ZNF16: variants seen among roughly 807,000 people sequenced by gnomAD.
ZNF16 encodes the protein zinc finger protein 16.
Under a neutral mutation model 9.0 loss-of-function variants are expected in ZNF16, and 7 were observed. The observed-to-expected ratio is 0.78, with a 90% CI of 0.44 to 1.47. The LOEUF (loss-of-function observed/expected upper bound fraction) is 1.47. Among genes scored for constraint, ZNF16 ranks in the 40% most tolerant of loss-of-function variants. ZNF16 has a pLI of 0.01. For missense variants in ZNF16, 830 were observed against 854.2 expected (o/e 0.97, Z 0.35); for synonymous variants, 312 against 301.5 (o/e 1.03, Z -0.36).
At chr8:144,939,678 T>C (rs751321722) in intron 2 of ZNF16, among the ~76,000 whole-genome samples, 4 of 151,594 alleles carry the variant, frequency 2.6e-5, no homozygotes, top group Non-Finnish European at 4.4e-5. Context: ...ACTCAATCTC[T>C]GTTAGAGGTC....
chr8:144,942,463 T>C (rs1833827618), intron 2 of ZNF16, among the ~76,000 whole-genome samples: 1 of 151,752 alleles, frequency 6.6e-6, no homozygotes. Context: ...AATTTTTGTA[T>C]TTTTAGTAGA....
chr8:144,937,963 C>T (rs1262463451), intron 2 of ZNF16, among the ~76,000 whole-genome samples: 6 of 152,296 alleles, frequency 3.9e-5, no homozygotes, highest in South Asian at 2.1e-4. Context: ...CCACCACATC[C>T]GGCCCCAACT....
chr8:144,946,670 GTACCCTACTGTGGGCCA>G (rs1220149378), intron 1 of ZNF16, among the ~76,000 whole-genome samples: 5 of 113,062 alleles, frequency 4.4e-5, no homozygotes, highest in African/African-American at 1.1e-4. Flanking sequence ...CTGTGGGCCT[GTACCCTACTGTGGGCCA>G]TACCCTGCTG....
At chr8:144,935,313 C>T (rs1025692625) in intron 2 of ZNF16, among the ~76,000 whole-genome samples, 2 of 152,114 alleles carry the variant, frequency 1.3e-5, no homozygotes, top group Non-Finnish European at 2.9e-5. Flanking sequence ...AGTGATTCTC[C>T]TACCTCAGCC....
In ZNF16 at chr8:144,931,177, C is replaced by T. The variant is rs751615367; in HGVS notation, c.1610G>A (p.Arg537Gln). 16 of 1,613,840 alleles carry T rather than the reference C, an allele frequency of 9.9e-6. No individual in the cohort carries two copies. The highest frequency in any genetic ancestry group is 4.5e-5 in the East Asian group (2 of 44,878). Residue 537 changes from arginine (R) to glutamine (Q), a missense_variant, in exon 3 of 3, where the codon CGA becomes CAA. Coordinates refer to ENST00000394909, the MANE Select transcript of ZNF16 (RefSeq NM_006958.3). ...ATAGGGCTTCTCTCCAGTGTGGACT[C>T]GCTGGTGAAGGATGAGGTTGGAGCT... ...GRSSNLILHQRVHTGEKPYEC... is the reference protein window; with the variant it reads ...GRSSNLILHQQVHTGEKPYEC...
At chr8:144,941,512 C>T (rs1009561205) in intron 2 of ZNF16, among the ~76,000 whole-genome samples, 1 of 152,196 alleles carries the variant, frequency 6.6e-6, no homozygotes, top group African/African-American at 2.4e-5. Flanking sequence ...CTGGAGACTT[C>T]ACATGTAATT....
intron 2 of ZNF16, among the ~76,000 whole-genome samples, chr8:144,937,065 T>C (rs1239909137): frequency 1.3e-5 from 2 of 151,794 alleles, no homozygotes; most frequent in Non-Finnish European, 2.9e-5. Flanking sequence ...ATATTCTACA[T>C]ACTACACCCT....
intron 2 of ZNF16, among the ~76,000 whole-genome samples, chr8:144,936,232 G>A (rs776939728): frequency 9.8e-5 from 15 of 152,302 alleles, no homozygotes; most frequent in South Asian, 2.1e-4. Flanking sequence ...AGGTTTATCC[G>A]CGTGTAGCAG....
intron 1 of ZNF16, among the ~76,000 whole-genome samples, chr8:144,947,473 C>G (rs946332714): frequency 3.9e-5 from 6 of 152,178 alleles, no homozygotes; most frequent in Non-Finnish European, 7.4e-5. Flanking sequence ...CAGGCCAGAC[C>G]CACCTAGAGT....
intron 1 of ZNF16, 129 bp from the exon 2 acceptor site, chr8:144,946,344 G>A (rs1205172955): frequency 9.2e-6 from 8 of 868,046 alleles, no homozygotes; most frequent in Non-Finnish European, 1.3e-5. Context: ...GTGCTGCCAG[G>A]TCTCAGGGGC....
At chr8:144,949,450 A>G (rs1834038847) in intron 1 of ZNF16, among the ~76,000 whole-genome samples, 1 of 152,218 alleles carries the variant, frequency 6.6e-6, no homozygotes, top group African/African-American at 2.4e-5. Context: ...TGCCCCATGT[A>G]GGGAAAAGAA....
intron 1 of ZNF16, chr8:144,947,866 T>A (rs1023555701): frequency 3.3e-5 from 5 of 152,372 alleles, no homozygotes; most frequent in Non-Finnish European, 7.3e-5. Flanking sequence ...CCTCACATGT[T>A]ACTGATTCCC....
At position 144,932,385 on chromosome 8, in the gene ZNF16, C is replaced by T. The variant is rs923581862; in HGVS notation, c.402G>A (p.Gly134=). 2 of 1,614,036 alleles carry T rather than the reference C, an allele frequency of 1.2e-6. No individual in the cohort carries two copies. The highest frequency in any genetic ancestry group is 1.7e-6 in the Non-Finnish European group (2 of 1,180,026). The change falls in exon 3 of 3, where the codon GGG becomes GGA. Residue 134 remains glycine (G), a synonymous_variant. Transcript: ENST00000394909. The surrounding 1 kb of genome is among the most constrained non-coding windows in gnomAD (Gnocchi z 5.0). The part of the protein sequence containing the change: ...RRLPQSLSQE[G]DFTPAAMGLL... ...GCCCCATGGCAGCTGGTGTGAAGTC[C>T]CCCTCCTGGGAGAGGGACTGTGGCA...
chr8:144,932,318 C>A lies in ZNF16; in HGVS notation c.469G>T (p.Gly157Cys), dbSNP rs748200614. 5.6e-6 allele frequency: 9 copies of A among 1,614,166 alleles called. No homozygotes were observed. The highest frequency in any genetic ancestry group is 7.6e-6 in the Non-Finnish European group (9 of 1,180,042). Residue 157 changes from glycine (G) to cysteine (C), a missense_variant, in exon 3 of 3, where the codon GGT (glycine) becomes TGT (cysteine). Gly to Cys is a radical substitution (Grantham distance 159). Coordinates refer to ENST00000394909, the MANE Select transcript of ZNF16 (RefSeq NM_006958.3). This position sits in a 1 kb window ranked among gnomAD's most constrained non-coding sequence, Gnocchi z 5.0. ...CTCAGACTGAAGCGACTGTCAAAAC[C>A]ATTACAGTCCAGATCTTTCTCCCCT... is the stretch of plus-strand genomic sequence containing the variant. ...PLGEKDLDCN[G>C]FDSRFSLSPN...
Position 144,941,598 on chromosome 8 carries a change from C to T in ZNF16, c.196+4413G>A, listed in dbSNP as rs953866232. The stretch of plus-strand genomic sequence containing the variant: ...ACCTTTTTGTTCCTCAGTTCCTCTA[C>T]TGCTGTATTCTTAGGTATTACCTTT... On this transcript the variant is annotated intron_variant, in intron 2 of 2. Coordinates refer to ENST00000394909, the MANE Select transcript of ZNF16 (RefSeq NM_006958.3). Among the ~76,000 whole-genome samples, 3 of 152,086 alleles carry T rather than the reference C, an allele frequency of 2.0e-5. No individual in the cohort carries two copies. The South Asian group carries it at 6.2e-4, about 32-fold the overall frequency.
chr8:144,931,048 T>G lies in ZNF16; in HGVS notation c.1739A>C (p.Lys580Thr), dbSNP rs1204683151. 6.2e-7 allele frequency: 1 copy of G among 1,614,218 alleles called. No individual in the cohort carries two copies. The highest frequency in any genetic ancestry group is 1.1e-5 in the South Asian group (1 of 91,086). The change falls in exon 3 of 3, where the codon AAA becomes ACA. Residue 580 changes from lysine (K) to threonine (T), a missense_variant. Physicochemically the swap from Lys to Thr is moderately conservative, Grantham distance 78. Transcript: ENST00000394909. ...LKPHECNQCG[K>T]AFNRSSNLIH... is the part of the protein sequence containing the mutation. ...GAGATTTGAGCTTCGGTTGAAGGCT[T>G]TACCACACTGGTTACATTCATGGGG...
At chr8:144,943,515 CTTTTCTT>C (rs1833851837) in intron 2 of ZNF16, among the ~76,000 whole-genome samples, 1 of 151,864 alleles carries the variant, frequency 6.6e-6, no homozygotes, top group Non-Finnish European at 1.5e-5. Flanking sequence ...ATTAAGTTCA[CTTTTCTT>C]TTTTCTTTTT....
chr8:144,934,910 G>A (rs1211070065), intron 2 of ZNF16, among the ~76,000 whole-genome samples: 3 of 152,260 alleles, frequency 2.0e-5, no homozygotes, highest in Admixed American at 6.5e-5. Context: ...ATAAAAACCA[G>A]CCCACTAGCT....
rs373248426 is a variant in ZNF16 at position 144,932,527 on chromosome 8, T to G, written c.260A>C (p.Glu87Ala). ...GTTTTCTGATATTTCTGCCTGTGATTCCAAATCTTCATGAATGTCTTCCTT... is the reference window on the plus strand; with the variant it reads ...GTTTTCTGATATTTCTGCCTGTGATGCCAAATCTTCATGAATGTCTTCCTT... ...LHKEDIHEDLESQAEISENYA... is the reference protein window; with the variant it reads ...LHKEDIHEDLASQAEISENYA... Residue 87 changes from glutamate (E) to alanine (A), a missense_variant, in exon 3 of 3, where the codon GAA becomes GCA. Glu to Ala is a moderately radical substitution (Grantham distance 107). Coordinates refer to ENST00000394909, the MANE Select transcript of ZNF16 (RefSeq NM_006958.3). The surrounding 1 kb of genome is among the most constrained non-coding windows in gnomAD (Gnocchi z 5.0). 6 of 1,614,108 alleles carry G rather than the reference T, an allele frequency of 3.7e-6. No homozygotes were observed. In the African/African-American group the frequency reaches 8.0e-5, roughly 22 times the overall value.
Sources: allele counts gnomAD v4.1 joint callset (sites outside exome capture counted in the v4.1 genomes callset), GRCh38; gene constraint gnomAD v4.1.1; non-coding constraint Gnocchi (gnomAD v3.1); transcripts MANE v1.5; gene names NCBI Gene and HGNC (gene_info 2026-07-23, HGNC 2026-07-21).